The following ADGRV1 variants were observed in gnomAD, a reference collection of about 807,000 sequenced individuals.
The protein encoded by ADGRV1 is G-protein coupled receptor 98.
ADGRV1 carries 359 observed loss-of-function variants against 596.2 expected under a neutral mutation model. That is an observed-to-expected ratio of 0.60 (90% CI 0.55 to 0.66). ADGRV1 has a LOEUF of 0.66. Among genes scored for constraint, ADGRV1 ranks in the 30% least tolerant of loss-of-function variants. The pLI is 0.00. For missense variants in ADGRV1, 7,274 were observed against 7,575.6 expected (o/e 0.96, Z 1.48); for synonymous variants, 2,681 against 2,679.2 (o/e 1.00, Z -0.02).
chr5:91,094,752 A>G (rs146812143), intron 86 of ADGRV1, among the ~76,000 whole-genome samples: 1 of 152,286 alleles, frequency 6.6e-6, no homozygotes, highest in Non-Finnish European at 1.5e-5. Context: ...AAAAAGTGTG[A>G]TGAGAAGAGG....
chr5:90,558,808 T>TC lies in ADGRV1; in HGVS notation c.-87dup. The TC allele has an allele frequency of 7.5e-7, 1 of 1,329,002 alleles. No individual in the cohort carries two copies. Among genetic ancestry groups the TC allele is most frequent in the Non-Finnish European group, 1.1e-6 (1 of 944,316 alleles). The allele number at this position is 1,329,002 out of a possible 1,614,324, so 82.3% of individuals were successfully genotyped here. A position where few individuals can be genotyped will look rare whatever the true frequency, so the allele number is the denominator to read the frequency against. ...CCTGATCCTGTAGTGGTAGTAAGAA[T>TC]CAGCAGCGCGGGCAAGGAGTACGGA... On this transcript the variant is annotated 5_prime_UTR_variant, in exon 1 of 90. Transcript: ENST00000405460.
chr5:90,947,727 T>A (rs1432967253), intron 83 of ADGRV1, among the ~76,000 whole-genome samples: 1 of 152,108 alleles, frequency 6.6e-6, no homozygotes, highest in Non-Finnish European at 1.5e-5. Flanking sequence ...CCTAAAAGTC[T>A]TATCAAACAA....
chr5:91,138,614 A>G (rs1050612212), intron 87 of ADGRV1, among the ~76,000 whole-genome samples: 3 of 152,112 alleles, frequency 2.0e-5, no homozygotes, highest in Non-Finnish European at 2.9e-5. Flanking sequence ...TTTTGACAGT[A>G]TATATGCTGG....
At chr5:90,965,634 T>A (rs1303379810) in intron 84 of ADGRV1, 103 bp downstream of exon 84, 1 of 604,960 alleles carries the variant, frequency 1.7e-6, no homozygotes, top group East Asian at 2.7e-5. Flanking sequence ...AGTAATTCCG[T>A]ATATCCATCA....
intron 83 of ADGRV1, among the ~76,000 whole-genome samples, chr5:90,883,874 G>A (rs944401284): frequency 2.0e-5 from 3 of 152,158 alleles, no homozygotes; most frequent in Non-Finnish European, 2.9e-5. Context: ...GTGGGCCCCA[G>A]TGAGCTGGAA....
At chr5:91,098,706 A>T (rs1483011366) in intron 86 of ADGRV1, among the ~76,000 whole-genome samples, 1 of 151,232 alleles carries the variant, frequency 6.6e-6, no homozygotes, top group Non-Finnish European at 1.5e-5. Context: ...TAAGCCATGG[A>T]CATTCTCATG....
At chr5:91,055,188 C>T (rs1402410584) in intron 85 of ADGRV1, among the ~76,000 whole-genome samples, 1 of 152,060 alleles carries the variant, frequency 6.6e-6, no homozygotes, top group African/African-American at 2.4e-5. Flanking sequence ...TGGTATTAGA[C>T]ACTGGATTAG....
chr5:90,665,283 A>G (rs1000743652), intron 21 of ADGRV1, among the ~76,000 whole-genome samples: 3 of 152,224 alleles, frequency 2.0e-5, no homozygotes, highest in Admixed American at 1.3e-4. Context: ...TATTGCCACA[A>G]TTTCAGAACC....
intron 42 of ADGRV1, among the ~76,000 whole-genome samples, chr5:90,714,081 T>A (rs1749755704): frequency 6.6e-6 from 1 of 152,162 alleles, no homozygotes; most frequent in African/African-American, 2.4e-5. Context: ...AAAGGACTCA[T>A]CCGTTGCCTT....
In ADGRV1 at chr5:90,706,326, C is replaced by T. The variant is rs775159319; in HGVS notation, c.8662C>T (p.Pro2888Ser). The T allele has an allele frequency of 2.5e-6, 4 of 1,613,084 alleles. No individual in the cohort carries two copies. The highest frequency in any genetic ancestry group is 1.1e-5 in the South Asian group (1 of 90,910). ...AGCAGAGCCAGAAGTTGATTTTGTC[C>T]CTATCATTGGCTTTCTGATTTTAGA... is the stretch of plus-strand genomic sequence containing the variant. ...NLAEPEVDFV[P>S]IIGFLILEEG... is the part of the protein sequence containing the mutation. Residue 2888 changes from proline (P) to serine (S), a missense_variant, in exon 38 of 90, where the codon CCT becomes TCT. Transcript: ENST00000405460.
chr5:91,137,134 A>G (rs1306098744), intron 87 of ADGRV1, among the ~76,000 whole-genome samples: 3 of 151,986 alleles, frequency 2.0e-5, no homozygotes, highest in Admixed American at 6.6e-5. Context: ...CTTTTCTTTT[A>G]TCCTTTTTTC....
chr5:90,908,489 T>C (rs1772531803), intron 83 of ADGRV1, among the ~76,000 whole-genome samples: 1 of 152,208 alleles, frequency 6.6e-6, no homozygotes, highest in African/African-American at 2.4e-5. Context: ...TAGATTATGA[T>C]TTAATGACCA....
chr5:90,960,137 C>CAAA lies in ADGRV1; in HGVS notation c.17857-5264_17857-5262dup, dbSNP rs35383493. On this transcript the variant is annotated intron_variant, in intron 83 of 89. Coordinates refer to ENST00000405460, the MANE Select transcript of ADGRV1 (RefSeq NM_032119.4). ...CTGGGTGACAGACCGAGACTCATCT[C>CAAA]AAAAAAAAAAAAAAAACAAAAAACA... Among the ~76,000 whole-genome samples the CAAA allele has an allele frequency of 9.7e-3, 1,009 of 103,844 alleles. 18 individuals carry two copies. Among genetic ancestry groups the CAAA allele is most frequent in the African/African-American group, 0.034 (958 of 27,794 alleles). 68.1% of individuals were successfully genotyped at this position (103,844 alleles called of 152,430 possible).
chr5:91,125,454 A>G lies in ADGRV1; in HGVS notation c.18432+23114A>G, dbSNP rs149401335. On this transcript the variant is annotated intron_variant, in intron 87 of 89. Transcript: ENST00000405460. ...CATCACAGCACAGAGCTGTTGCCTGATCCCTGAAAGTACATTGACAATCCC... is the reference window on the plus strand; with the variant it reads ...CATCACAGCACAGAGCTGTTGCCTGGTCCCTGAAAGTACATTGACAATCCC... Among the ~76,000 whole-genome samples the G allele has an allele frequency of 1.3e-3, 205 of 152,312 alleles. 1 individual carries two copies. The highest frequency in any genetic ancestry group is 4.7e-3 in the African/African-American group (196 of 41,570).
intron 83 of ADGRV1, among the ~76,000 whole-genome samples, chr5:90,891,811 C>T (rs1451528927): frequency 2.6e-5 from 4 of 151,848 alleles, no homozygotes; most frequent in Admixed American, 2.0e-4. Flanking sequence ...GCTATCATTG[C>T]TTATCCATGT....
At chr5:90,971,609 T>G (rs1296194453) in intron 84 of ADGRV1, among the ~76,000 whole-genome samples, 1 of 152,176 alleles carries the variant, frequency 6.6e-6, no homozygotes, top group African/African-American at 2.4e-5. Flanking sequence ...CTAAGCTTTG[T>G]AAGTGAAGGA....
At chr5:90,650,912 A>G (rs940524440) in intron 17 of ADGRV1, among the ~76,000 whole-genome samples, 6 of 152,178 alleles carry the variant, frequency 3.9e-5, no homozygotes, top group Non-Finnish European at 7.3e-5. Context: ...GAAGATGGGA[A>G]GGACTTTTGC....
At chr5:90,908,391 T>C (rs1316260070) in intron 83 of ADGRV1, among the ~76,000 whole-genome samples, 4 of 152,178 alleles carry the variant, frequency 2.6e-5, no homozygotes, top group African/African-American at 9.7e-5. Context: ...ATTGTACGCT[T>C]AGTTAATTTT....
At chr5:90,730,250 A>G (rs1310947190) in intron 50 of ADGRV1, among the ~76,000 whole-genome samples, 2 of 151,636 alleles carry the variant, frequency 1.3e-5, no homozygotes, top group East Asian at 1.9e-4. Flanking sequence ...TTGAATTTCA[A>G]TTTTCCTTTT....
Sources: allele counts gnomAD v4.1 joint callset (sites outside exome capture counted in the v4.1 genomes callset), GRCh38; gene constraint gnomAD v4.1.1; transcripts MANE v1.5; gene names NCBI Gene and HGNC (gene_info 2026-07-23, HGNC 2026-07-21).